CACHD1: variants seen among roughly 807,000 people sequenced by gnomAD.
CACHD1 encodes the protein VWFA and cache domain-containing protein 1.
CACHD1 carries 71 observed loss-of-function variants against 138.7 expected under a neutral mutation model. The ratio of observed to expected loss-of-function variants is 0.51; its 90% CI spans 0.42 to 0.62. The LOEUF (loss-of-function observed/expected upper bound fraction) is 0.62, where lower values mean the gene tolerates loss of function less well. Among genes scored for constraint, CACHD1 ranks in the 20% least tolerant of loss-of-function variants. CACHD1 has a pLI of 0.00. For missense variants in CACHD1, 1,389 were observed against 1,625.3 expected (o/e 0.85, Z 2.50); for synonymous variants, 578 against 591.5 (o/e 0.98, Z 0.33).
At chr1:64,650,650 A>G (rs890886040) in intron 9 of CACHD1, among the ~76,000 whole-genome samples, 2 of 152,188 alleles carry the variant, frequency 1.3e-5, no homozygotes, top group Non-Finnish European at 2.9e-5. Context: ...TAGCAACTCA[A>G]TAATACCTCA....
At position 64,586,220 on chromosome 1, in the gene CACHD1, C is replaced by T. The variant is rs570229314; in HGVS notation, c.410+3916C>T. 4.4e-4 allele frequency among the ~76,000 whole-genome samples: 67 copies of T among 152,256 alleles called. No individual in the cohort carries two copies. In the South Asian group the frequency reaches 0.013, roughly 30 times the overall value. Reference sequence around the variant, plus strand: ...CTGGGACTACAGGGGCGTGCCACCACGCCCGGCTAATTTTTGTATTTTTAG... The same window carrying T: ...CTGGGACTACAGGGGCGTGCCACCATGCCCGGCTAATTTTTGTATTTTTAG... On this transcript the variant is annotated intron_variant, in intron 3 of 26. Transcript: ENST00000651257.
At position 64,681,330 on chromosome 1, in the gene CACHD1, G is replaced by A. The variant is rs138517999; in HGVS notation, c.3479G>A (p.Gly1160Asp). ...GACGACGACAGCCACGAAGACAGAG[G>A]CATCAGTGAGTATTCAGCTGCCTTG... Reference protein sequence around the residue: ...ERDDDSHEDRGIISNTRFIAA... With the variant: ...ERDDDSHEDRDIISNTRFIAA... The change falls in exon 25 of 27, where the codon GGC (glycine) becomes GAC (aspartate). Residue 1160 changes from glycine (G) to aspartate (D), a missense_variant. Transcript: ENST00000651257. 1.5e-5 allele frequency: 24 copies of A among 1,612,878 alleles called. No individual in the cohort carries two copies. In the African/African-American group the frequency reaches 3.2e-4, roughly 22 times the overall value.
At chr1:64,668,773 G>A (rs1014116326) in intron 16 of CACHD1, among the ~76,000 whole-genome samples, 1 of 152,194 alleles carries the variant, frequency 6.6e-6, no homozygotes, top group African/African-American at 2.4e-5. Flanking sequence ...ATTTAGAGCT[G>A]TGTATTTTTC....
At chr1:64,601,093 A>G (rs917004759) in intron 3 of CACHD1, among the ~76,000 whole-genome samples, 3 of 152,222 alleles carry the variant, frequency 2.0e-5, no homozygotes, top group Admixed American at 6.5e-5. Context: ...CAGGTCTGGA[A>G]TACCACCTGT....
chr1:64,520,586 A>C (rs1054217499), intron 1 of CACHD1, among the ~76,000 whole-genome samples: 11 of 152,204 alleles, frequency 7.2e-5, no homozygotes, highest in Non-Finnish European at 1.2e-4. Flanking sequence ...AATTATTGTT[A>C]AGTTAATTAG....
chr1:64,613,367 T>TA lies in CACHD1; in HGVS notation c.517+10462dup, dbSNP rs1351077863. 1.5e-4 allele frequency: 13 copies of TA among 89,216 alleles called. No individual in the cohort carries two copies. The South Asian group carries it at 4.2e-3, about 29-fold the overall frequency. 5.5% of individuals were successfully genotyped at this position (89,216 alleles called of 1,614,324 possible). On this transcript the variant is annotated intron_variant, in intron 4 of 26. Transcript: ENST00000651257. ...AGTGTAGTGTAAAAATATAAAAATA[T>TA]AAAAAAATAAAAATATAAATATAAA...
intron 2 of CACHD1, among the ~76,000 whole-genome samples, chr1:64,575,176 A>G (rs770935270): frequency 7.2e-5 from 11 of 152,240 alleles, no homozygotes; most frequent in Non-Finnish European, 1.0e-4. Context: ...GAACATCACA[A>G]TAAGTCCTTT....
At position 64,671,641 on chromosome 1, in the gene CACHD1, T is replaced by C; in HGVS notation, c.2465T>C (p.Met822Thr). Residue 822 changes from methionine (M) to threonine (T), a missense_variant, in exon 17 of 27, where the codon ATG (methionine) becomes ACG (threonine). Physicochemically the swap from Met to Thr is moderately conservative, Grantham distance 81. This residue lies in a region of CACHD1 where 1,000 missense variants were observed against 1,114.7 expected (regional missense o/e 0.90). Coordinates refer to ENST00000651257, the MANE Select transcript of CACHD1 (RefSeq NM_020925.4). ...CTCAGATACTTCTACAAAGTTCTGA[T>C]GGACCTATTACCTGTCTGTAACCAA... is the stretch of plus-strand genomic sequence containing the variant. The part of the protein sequence containing the change: ...FTLRYFYKVL[M>T]DLLPVCNQDG... 6.2e-7 allele frequency: 1 copy of C among 1,614,044 alleles called. No individual in the cohort carries two copies. The highest frequency in any genetic ancestry group is 8.5e-7 in the Non-Finnish European group (1 of 1,179,922).
At chr1:64,677,819 A>G (rs1357516614) in intron 22 of CACHD1, among the ~76,000 whole-genome samples, 1 of 151,872 alleles carries the variant, frequency 6.6e-6, no homozygotes, top group African/African-American at 2.4e-5. Flanking sequence ...ATGACCCCAC[A>G]CTTGGGGGAT....
At chr1:64,490,474 A>G (rs772696732) in intron 1 of CACHD1, among the ~76,000 whole-genome samples, 1 of 152,196 alleles carries the variant, frequency 6.6e-6, no homozygotes. Context: ...CTAATTTAAT[A>G]AACTGTGATA....
At chr1:64,519,589 A>G (rs1487003383) in intron 1 of CACHD1, among the ~76,000 whole-genome samples, 1 of 152,196 alleles carries the variant, frequency 6.6e-6, no homozygotes, top group East Asian at 1.9e-4. Context: ...AAGCATTACC[A>G]GTGACTGCCC....
At chr1:64,601,951 G>A (rs1036764292) in intron 3 of CACHD1, among the ~76,000 whole-genome samples, 29 of 152,258 alleles carry the variant, frequency 1.9e-4, no homozygotes, top group African/African-American at 7.0e-4. Flanking sequence ...TGTTACTCCT[G>A]GATGAAATTC....
chr1:64,547,626 C>T (rs1025922690), intron 1 of CACHD1, among the ~76,000 whole-genome samples: 1 of 152,186 alleles, frequency 6.6e-6, no homozygotes, highest in African/African-American at 2.4e-5. Flanking sequence ...CTAAGCCTCC[C>T]AAGGTGCTGG....
intron 1 of CACHD1, among the ~76,000 whole-genome samples, chr1:64,493,957 G>A (rs1318885888): frequency 1.3e-5 from 2 of 152,166 alleles, no homozygotes; most frequent in Non-Finnish European, 2.9e-5. Flanking sequence ...CAGTTCCTGG[G>A]GCGCTTCCCA....
intron 1 of CACHD1, among the ~76,000 whole-genome samples, chr1:64,533,129 G>C (rs574162435): frequency 6.6e-6 from 1 of 152,320 alleles, no homozygotes; most frequent in African/African-American, 2.4e-5. Context: ...TCCGAGGCGG[G>C]TGAATTGCTT....
At chr1:64,503,765 G>A (rs1041914981) in intron 1 of CACHD1, among the ~76,000 whole-genome samples, 1 of 152,100 alleles carries the variant, frequency 6.6e-6, no homozygotes, top group African/African-American at 2.4e-5. Flanking sequence ...AATAAGCCAG[G>A]GATTTGTTAG....
At chr1:64,579,744 T>C (rs941282740) in intron 2 of CACHD1, 3 of 153,258 alleles carry the variant, frequency 2.0e-5, no homozygotes, top group South Asian at 2.1e-4. Flanking sequence ...ATTTTTAAAA[T>C]CTTTATCACT....
chr1:64,636,044 G>A (rs1302033249), intron 7 of CACHD1, among the ~76,000 whole-genome samples: 1 of 151,860 alleles, frequency 6.6e-6, no homozygotes, highest in African/African-American at 2.4e-5. Context: ...CCGGGAAGTG[G>A]AGGTTGCAGT....
Position 64,664,410 on chromosome 1 carries a change from A to C in CACHD1, c.2095-88A>C, listed in dbSNP as rs572262916. The C allele has an allele frequency of 1.1e-5, 15 of 1,322,232 alleles. No homozygotes were observed. The East Asian group carries it at 3.5e-4, about 31-fold the overall frequency. 81.9% of individuals were successfully genotyped at this position (1,322,232 alleles called of 1,614,324 possible). A position where few individuals can be genotyped will look rare whatever the true frequency, so the allele number is the denominator to read the frequency against. On this transcript the variant is annotated intron_variant, in intron 14 of 26. Coordinates refer to ENST00000651257, the MANE Select transcript of CACHD1 (RefSeq NM_020925.4). ...AAGTAATTCGGCTTGGCTTCTCTGC[A>C]ACAGAGCTTTGGGAACACTGCCAGC...
Sources: allele counts gnomAD v4.1 joint callset (sites outside exome capture counted in the v4.1 genomes callset), GRCh38; gene constraint gnomAD v4.1.1; regional missense constraint gnomAD v4.1.1; transcripts MANE v1.5; gene names NCBI Gene and HGNC (gene_info 2026-07-23, HGNC 2026-07-21).